Variants in CSMD1 observed in about 807,000 individuals in gnomAD.
CSMD1 encodes CUB and Sushi multiple domains 1.
Under a neutral mutation model 417.5 loss-of-function variants are expected in CSMD1, and 213 were observed. The ratio of observed to expected loss-of-function variants is 0.51; its 90% CI spans 0.46 to 0.57. The LOEUF is 0.57. Ranked by LOEUF, CSMD1 falls within the 20% of genes least tolerant of loss-of-function variation. The probability of loss-of-function intolerance (pLI) is 0.00; values close to 1 mark genes in which losing one functional copy is unlikely to be tolerated. For synonymous variants in CSMD1, 2,862 were observed against 1,736.8 expected, an observed-to-expected ratio of 1.65 and a Z score of -16.11; for missense variants, 6,923 against 4,529.7, an observed-to-expected ratio of 1.53 and a Z score of -15.17.
intron 4 of CSMD1, among the ~76,000 whole-genome samples, chr8:4,030,117 G>C (rs943882065): frequency 1.3e-5 from 2 of 152,178 alleles, no homozygotes; most frequent in East Asian, 3.9e-4. Flanking sequence ...ACTGTCTGCA[G>C]CTTTTCCAGG....
At position 3,982,901 on chromosome 8, in the gene CSMD1, C is replaced by A. The variant is rs550576391; in HGVS notation, c.818+15002G>T. Reference sequence around the variant, plus strand: ...TTAGCGTTTCCTACCCTTGCCTTTACAATAACTTTGAAAAATAGATATTGT... The same window carrying A: ...TTAGCGTTTCCTACCCTTGCCTTTAAAATAACTTTGAAAAATAGATATTGT... On this transcript the variant is annotated intron_variant, in intron 5 of 69. Coordinates refer to ENST00000635120, the MANE Select transcript of CSMD1 (RefSeq NM_033225.6). 4.4e-4 allele frequency among the ~76,000 whole-genome samples: 67 copies of A among 152,108 alleles called. No homozygotes were observed. In the South Asian group the frequency reaches 0.011, roughly 24 times the overall value.
At chr8:3,968,263 A>G (rs1022683206) in intron 5 of CSMD1, among the ~76,000 whole-genome samples, 1 of 152,136 alleles carries the variant, frequency 6.6e-6, no homozygotes, top group African/African-American at 2.4e-5. Flanking sequence ...TTTGTTTTCC[A>G]GGTATAGGTA....
At chr8:3,530,794 G>T (rs1797947813) in intron 10 of CSMD1, among the ~76,000 whole-genome samples, 1 of 151,722 alleles carries the variant, frequency 6.6e-6, no homozygotes. Flanking sequence ...CTCCCAAAGT[G>T]CTACTATTAC....
rs79506441 is a variant in CSMD1, at chr8:3,617,070, C to T, written c.1010-273G>A. Among the ~76,000 whole-genome samples, 1,350 of 152,100 alleles carry T rather than the reference C, an allele frequency of 8.9e-3. 16 individuals are homozygous for T. The highest frequency in any genetic ancestry group is 0.011 in the Non-Finnish European group (760 of 67,992). ...AATTTAATAAAAAATCTCATTTGGT[C>T]CTTATGATTACTTTTATGCCAGGTC... On this transcript the variant is annotated intron_variant, in intron 7 of 69. Transcript: ENST00000635120.
chr8:2,936,815 A>C lies in CSMD1; in HGVS notation c.*1770T>G, dbSNP rs763182083. The C allele has an allele frequency of 2.6e-5, 4 of 152,158 alleles. No individual in the cohort carries two copies. The South Asian group carries it at 6.2e-4, about 24-fold the overall frequency. The allele number at this position is 152,158 out of a possible 1,614,324, so 9.4% of individuals were successfully genotyped here. A position where few individuals can be genotyped will look rare whatever the true frequency, so the allele number is the denominator to read the frequency against. ...TTTTCCTGACTGCTTTTCCTTTTCCACATTTGAAGTCCTACATGGAAACCT... is the reference window on the plus strand; with the variant it reads ...TTTTCCTGACTGCTTTTCCTTTTCCCCATTTGAAGTCCTACATGGAAACCT... On this transcript the variant is annotated 3_prime_UTR_variant, in exon 70 of 70. Coordinates refer to ENST00000635120, the MANE Select transcript of CSMD1 (RefSeq NM_033225.6).
chr8:3,783,119 G>A (rs530053880), intron 5 of CSMD1, among the ~76,000 whole-genome samples: 5 of 152,008 alleles, frequency 3.3e-5, no homozygotes, highest in South Asian at 2.1e-4. Flanking sequence ...CTCCCTTCTC[G>A]GGATTTATCC....
intron 1 of CSMD1, among the ~76,000 whole-genome samples, chr8:4,956,872 C>T (rs1395698655): frequency 2.0e-5 from 3 of 152,156 alleles, no homozygotes. Context: ...GGTGTTCCCT[C>T]CACACCAAGC....
intron 10 of CSMD1, among the ~76,000 whole-genome samples, chr8:3,507,542 A>G (rs1796879591): frequency 6.6e-6 from 1 of 152,200 alleles, no homozygotes; most frequent in Non-Finnish European, 1.5e-5. Flanking sequence ...GCTGGGTCAA[A>G]TGGTATTTCT....
chr8:3,578,554 A>G (rs2116959298), intron 9 of CSMD1, among the ~76,000 whole-genome samples: 1 of 152,306 alleles, frequency 6.6e-6, no homozygotes, highest in East Asian at 1.9e-4. Context: ...TTGAATACAA[A>G]TTTATCTGAT....
chr8:3,986,767 T>G (rs1814352898), intron 5 of CSMD1, among the ~76,000 whole-genome samples: 1 of 83,938 alleles, frequency 1.2e-5, no homozygotes, highest in South Asian at 4.2e-4. Context: ...TGATTTTTCT[T>G]TTTTTTTAGA....
chr8:4,077,091 T>C (rs944742762), intron 3 of CSMD1, among the ~76,000 whole-genome samples: 5 of 151,868 alleles, frequency 3.3e-5, no homozygotes, highest in Admixed American at 1.3e-4. Context: ...ATGATATATA[T>C]TTTAAGCCCC....
At chr8:4,636,958 C>T (rs1802853313) in intron 2 of CSMD1, among the ~76,000 whole-genome samples, 1 of 152,074 alleles carries the variant, frequency 6.6e-6, no homozygotes, top group Non-Finnish European at 1.5e-5. Context: ...TAAAACACAC[C>T]AATCAGCAGG....
chr8:4,815,887 G>T (rs1199414447), intron 1 of CSMD1, among the ~76,000 whole-genome samples: 2 of 152,062 alleles, frequency 1.3e-5, no homozygotes, highest in African/African-American at 2.4e-5. Flanking sequence ...TGTGTGAATT[G>T]GTTATGATCT....
At chr8:4,181,595 C>T (rs1363216192) in intron 3 of CSMD1, among the ~76,000 whole-genome samples, 1 of 152,130 alleles carries the variant, frequency 6.6e-6, no homozygotes, top group Non-Finnish European at 1.5e-5. Context: ...GATGGAAAAG[C>T]TTGCTATAAG....
intron 1 of CSMD1, among the ~76,000 whole-genome samples, chr8:4,968,321 T>C (rs1419646540): frequency 1.3e-5 from 2 of 152,068 alleles, no homozygotes; most frequent in East Asian, 1.9e-4. Context: ...ATTAAGAACA[T>C]TCACAAGATT....
intron 11 of CSMD1, among the ~76,000 whole-genome samples, chr8:3,477,371 T>C (rs1386952960): frequency 2.0e-5 from 3 of 152,254 alleles, no homozygotes; most frequent in Non-Finnish European, 4.4e-5. Flanking sequence ...GTAGTCTTTA[T>C]GTTCCTTTAA....
At chr8:4,109,129 T>C (rs1801721672) in intron 3 of CSMD1, among the ~76,000 whole-genome samples, 1 of 152,206 alleles carries the variant, frequency 6.6e-6, no homozygotes, top group African/African-American at 2.4e-5. Context: ...TTATTTATAA[T>C]ACCTAATACA....
chr8:3,448,426 A>AGGGAGGAAGGGAGGGAG (rs532643101), intron 12 of CSMD1, among the ~76,000 whole-genome samples: 2 of 96,098 alleles, frequency 2.1e-5, no homozygotes, highest in South Asian at 4.0e-4. Context: ...AAGGGAAGGA[A>AGGGAGGAAGGGAGGGAG]GAAGGAGCAA....
chr8:3,281,327 C>T (rs550553976), intron 26 of CSMD1, among the ~76,000 whole-genome samples: 54 of 151,946 alleles, frequency 3.6e-4, no homozygotes, highest in Non-Finnish European at 5.4e-4. Flanking sequence ...GCTTGTAATC[C>T]CAGCTACTCG....
Sources: gnomAD v4.1 joint callset for allele counts (sites outside exome capture counted in the v4.1 genomes callset) on GRCh38, gnomAD v4.1.1 for gene constraint, MANE v1.5 for transcripts, NCBI Gene and HGNC (gene_info 2026-07-23, HGNC 2026-07-21) for gene names.